Variants in EFTUD2 observed in about 807,000 individuals in gnomAD.
EFTUD2 encodes the protein elongation factor Tu GTP binding domain containing 2, also known as 116 kDa U5 small nuclear ribonucleoprotein component.
A neutral mutation model predicts 114.3 loss-of-function variants in EFTUD2; 9 were observed. The ratio of observed to expected loss-of-function variants is 0.08; its 90% CI spans 0.05 to 0.14. The LOEUF (loss-of-function observed/expected upper bound fraction) is 0.14, where lower values mean the gene tolerates loss of function less well. Ranked by LOEUF, EFTUD2 falls within the 10% of genes least tolerant of loss-of-function variation. EFTUD2 has a pLI of 1.00. For missense variants in EFTUD2, 765 were observed against 1,241.2 expected (o/e 0.62, Z 5.76); for synonymous variants, 449 against 462.3 (o/e 0.97, Z 0.37).
chr17:44,872,313 A>G, intron 11 of EFTUD2, 133 bp downstream of exon 11: 1 of 1,212,690 alleles, frequency 8.2e-7, no homozygotes, highest in Non-Finnish European at 1.2e-6. Flanking sequence ...AGACCCCCAA[A>G]TGTGATAATA....
intron 19 of EFTUD2, among the ~76,000 whole-genome samples, chr17:44,858,522 A>G (rs892260401): frequency 6.6e-6 from 1 of 152,208 alleles, no homozygotes; most frequent in Non-Finnish European, 1.5e-5. Flanking sequence ...GCAATGGCAC[A>G]ATCACAGTTC....
intron 4 of EFTUD2, 86 bp downstream of exon 4, chr17:44,885,170 A>C (rs886804754): frequency 1.9e-6 from 2 of 1,053,200 alleles, no homozygotes; most frequent in Middle Eastern, 2.0e-4. Flanking sequence ...TTTACTAGCT[A>C]TTTCAGCCAA....
In EFTUD2 at chr17:44,853,313, G is replaced by A. The variant is rs764682372; in HGVS notation, c.2544C>T (p.Thr848=). 42 of 1,613,850 alleles carry A rather than the reference G, an allele frequency of 2.6e-5. No individual in the cohort carries two copies. Among genetic ancestry groups the A allele is most frequent in the South Asian group, 8.8e-5 (8 of 91,066 alleles). ...APADCVSAVY[T]VLARRRGHVT... Reference sequence around the variant, plus strand: ...CCGCTCACCTGCGCCTGGCCAGGACGGTATAAACTGCAGAGACGCAATCTG... The same window carrying A: ...CCGCTCACCTGCGCCTGGCCAGGACAGTATAAACTGCAGAGACGCAATCTG... The change falls in exon 25 of 28, where the codon ACC becomes ACT. Residue 848 remains threonine (T), a synonymous_variant. Coordinates refer to ENST00000426333, the MANE Select transcript of EFTUD2 (RefSeq NM_004247.4).
chr17:44,895,882 TG>T (rs1368547983), intron 1 of EFTUD2: 1 of 152,244 alleles, frequency 6.6e-6, no homozygotes, highest in Non-Finnish European at 1.5e-5. Flanking sequence ...CTAGTCTCTT[TG>T]GATCTACAAT....
Position 44,880,093 on chromosome 17 carries a change from C to T in EFTUD2, c.620-455G>A, listed in dbSNP as rs959568593. 3.3e-5 allele frequency among the ~76,000 whole-genome samples: 5 copies of T among 152,126 alleles called. No homozygotes were observed. The East Asian group carries it at 9.7e-4, about 29-fold the overall frequency. On this transcript the variant is annotated intron_variant, in intron 8 of 27. Coordinates refer to ENST00000426333, the MANE Select transcript of EFTUD2 (RefSeq NM_004247.4). The stretch of plus-strand genomic sequence containing the variant: ...GATGGTGCCAAGAAAGCAAATCAGC[C>T]AAAACCTAAAACCTTCCAGTTTTTA...
intron 14 of EFTUD2, chr17:44,864,089 G>A (rs557474424): frequency 3.2e-5 from 7 of 217,898 alleles, no homozygotes; most frequent in South Asian, 7.7e-5. Context: ...ACGCATTTAC[G>A]TGGAACAAAA....
At chr17:44,864,855 T>G in intron 14 of EFTUD2, 75 bp downstream of exon 14, 5 of 1,564,072 alleles carry the variant, frequency 3.2e-6, no homozygotes, top group Non-Finnish European at 4.3e-6. Context: ...CATCGCTGGG[T>G]GAGAAAAAAT....
At position 44,885,297 on chromosome 17, in the gene EFTUD2, A is replaced by G; in HGVS notation, c.309T>C (p.Thr103=). 1 of 1,614,040 alleles carries G rather than the reference A, an allele frequency of 6.2e-7. No individual in the cohort carries two copies. The highest frequency in any genetic ancestry group is 8.5e-7 in the Non-Finnish European group (1 of 1,179,946). ...IIKPVKTKKF[T]LMEQTLPVTV... is the part of the protein sequence containing the mutation. ...TAACAGGTAATGTCTGCTCCATCAG[A>G]GTGAATTTCTTGGTTTTCACTGGCT... The change falls in exon 4 of 28, where the codon ACT becomes ACC. Residue 103 remains threonine, a synonymous_variant. Transcript: ENST00000426333.
chr17:44,870,508 T>C (rs1264356479), intron 11 of EFTUD2, among the ~76,000 whole-genome samples: 3 of 152,240 alleles, frequency 2.0e-5, no homozygotes, highest in Non-Finnish European at 4.4e-5. Flanking sequence ...TAACATGGTT[T>C]GAATGTCTCG....
At chr17:44,860,843 C>T (rs1459434854) in intron 16 of EFTUD2, among the ~76,000 whole-genome samples, 2 of 152,090 alleles carry the variant, frequency 1.3e-5, no homozygotes, top group African/African-American at 4.8e-5. Context: ...AAGCAATCCT[C>T]CTGCCTCAGC....
At position 44,853,589 on chromosome 17, in the gene EFTUD2, C is replaced by T. The variant is rs752716400; in HGVS notation, c.2394G>A (p.Gln798=). The T allele has an allele frequency of 1.8e-5, 29 of 1,614,120 alleles. No individual in the cohort carries two copies. Among genetic ancestry groups the T allele is most frequent in the Middle Eastern group, 1.6e-4 (1 of 6,062 alleles). Residue 798 remains glutamine (Q), a synonymous_variant, in exon 24 of 28, where the codon CAG becomes CAA. Transcript: ENST00000426333. ...GGCCCCCGCCCCGGTGCAGGGGCTC[C>T]TGGGCAACCACCGCATCCAGGATCT... ...KFKILDAVVA[Q]EPLHRGGGQI...
chr17:44,868,275 T>A lies in EFTUD2; in HGVS notation c.1058+12A>T, dbSNP rs576542483. ...CACCCCTCTGGAAAGTCACGTCCCA[T>A]ACTCTACTTACGTCTTAGGGTTGAA... On this transcript the variant is annotated intron_variant, in intron 12 of 27. Transcript: ENST00000426333. The A allele has an allele frequency of 1.9e-6, 3 of 1,612,816 alleles. No homozygotes were observed. The highest frequency in any genetic ancestry group is 2.2e-5 in the South Asian group (2 of 90,906).
chr17:44,884,614 C>T (rs927363312), intron 4 of EFTUD2, among the ~76,000 whole-genome samples: 2 of 151,872 alleles, frequency 1.3e-5, no homozygotes, highest in African/African-American at 2.4e-5. Context: ...AGTTGAGGGC[C>T]GGGCATGGTA....
intron 20 of EFTUD2, 44 bp downstream of exon 20, chr17:44,857,031 G>T: frequency 6.6e-7 from 1 of 1,517,508 alleles, no homozygotes; most frequent in Non-Finnish European, 9.2e-7. Flanking sequence ...GAGAGAGAGT[G>T]TCCAGGAGGC....
At chr17:44,867,996 G>T (rs1391040518) in intron 12 of EFTUD2, 99 bp from the exon 13 acceptor site, 4 of 1,187,466 alleles carry the variant, frequency 3.4e-6, no homozygotes, top group Non-Finnish European at 1.2e-6. Context: ...AACAGCCCAG[G>T]GGAGGAATGT....
chr17:44,871,433 G>C (rs1221171699), intron 11 of EFTUD2, among the ~76,000 whole-genome samples: 1 of 151,786 alleles, frequency 6.6e-6, no homozygotes, highest in African/African-American at 2.4e-5. Context: ...TCTGCCTCCT[G>C]GGTTCACGCC....
intron 2 of EFTUD2, chr17:44,891,888 A>C: frequency 6.6e-6 from 1 of 152,042 alleles, no homozygotes; most frequent in East Asian, 1.9e-4. Context: ...CCTCCCGAGT[A>C]GCTGGGATTA....
At chr17:44,892,621 AC>A (rs2051299473) in intron 2 of EFTUD2, among the ~76,000 whole-genome samples, 2 of 144,876 alleles carry the variant, frequency 1.4e-5, no homozygotes, top group South Asian at 4.4e-4. Context: ...AGAAAAACAC[AC>A]TGTAAAACCT....
chr17:44,881,584 T>C, intron 7 of EFTUD2, 103 bp downstream of exon 7: 1 of 1,200,216 alleles, frequency 8.3e-7, no homozygotes, highest in South Asian at 1.2e-5. Flanking sequence ...AGGAGTAGGA[T>C]ATGAACTAAA....
Sources: allele counts gnomAD v4.1 joint callset (sites outside exome capture counted in the v4.1 genomes callset), GRCh38; gene constraint gnomAD v4.1.1; transcripts MANE v1.5; gene names NCBI Gene and HGNC (gene_info 2026-07-23, HGNC 2026-07-21).